JAK1: variants seen among roughly 807,000 people sequenced by gnomAD.
JAK1 encodes Janus kinase 1.
A neutral mutation model predicts 136.6 loss-of-function variants in JAK1; 16 were observed. The observed-to-expected ratio is 0.12, with a 90% CI of 0.08 to 0.18. JAK1 has a LOEUF of 0.18. JAK1 is among the 10% of genes least tolerant of loss of function. The pLI, the probability that JAK1 is intolerant of heterozygous loss-of-function variation, is 1.00. For missense variants in JAK1, 859 were observed against 1,450.1 expected (o/e 0.59, Z 6.62); for synonymous variants, 492 against 519.5 (o/e 0.95, Z 0.72).
At chr1:65,022,382 C>A (rs1646944910) in intron 2 of JAK1, among the ~76,000 whole-genome samples, 1 of 152,032 alleles carries the variant, frequency 6.6e-6, no homozygotes, top group South Asian at 2.1e-4. Context: ...ACCCATAAAT[C>A]ACCAACAAAA....
At chr1:65,002,915 G>A (rs1446150367) in intron 2 of JAK1, among the ~76,000 whole-genome samples, 1 of 152,236 alleles carries the variant, frequency 6.6e-6, no homozygotes, top group Non-Finnish European at 1.5e-5. Flanking sequence ...TCCAGGTCCC[G>A]GCGGGGAAGC....
At chr1:64,933,098 G>A (rs958383038) in intron 1 of JAK1, among the ~76,000 whole-genome samples, 14 of 151,986 alleles carry the variant, frequency 9.2e-5, no homozygotes, top group Non-Finnish European at 2.9e-5. Context: ...ATACGTGCCA[G>A]GCATCATGCC....
intron 2 of JAK1, among the ~76,000 whole-genome samples, chr1:64,996,177 C>T (rs1001607574): frequency 6.6e-6 from 1 of 152,156 alleles, no homozygotes; most frequent in Non-Finnish European, 1.5e-5. Context: ...CTTATTCTTA[C>T]CCCACATGCA....
intron 2 of JAK1, among the ~76,000 whole-genome samples, chr1:65,039,932 C>T (rs1050970273): frequency 1.3e-5 from 2 of 151,882 alleles, no homozygotes; most frequent in African/African-American, 2.4e-5. Context: ...GTCTGAAATG[C>T]GAAGAGGCAC....
At chr1:65,002,689 GC>G (rs1646769977) in intron 2 of JAK1, among the ~76,000 whole-genome samples, 1 of 152,236 alleles carries the variant, frequency 6.6e-6, no homozygotes, top group African/African-American at 2.4e-5. Flanking sequence ...TGCGAGCCTG[GC>G]CGGCGGCGGC....
chr1:64,988,068 A>G (rs41285416), intron 2 of JAK1, among the ~76,000 whole-genome samples: 1 of 152,146 alleles, frequency 6.6e-6, no homozygotes, highest in African/African-American at 2.4e-5. Context: ...CTGGCTCATG[A>G]GAGTCAATTA....
intron 1 of JAK1, among the ~76,000 whole-genome samples, chr1:65,054,717 A>AC (rs1647450829): frequency 1.3e-5 from 2 of 152,292 alleles, no homozygotes; most frequent in East Asian, 3.9e-4. Context: ...AAGAGATGCC[A>AC]CATCAGGTGA....
intron 2 of JAK1, among the ~76,000 whole-genome samples, chr1:65,020,737 C>T (rs757034035): frequency 1.6e-4 from 25 of 152,072 alleles, no homozygotes; most frequent in Non-Finnish European, 3.2e-4. Flanking sequence ...TAGGGCTCCA[C>T]TAGAAAAGAA....
chr1:65,053,148 C>T lies in JAK1; in HGVS notation c.-180-8566G>A, dbSNP rs146157149. Among the ~76,000 whole-genome samples the T allele has an allele frequency of 2.4e-3, 364 of 150,870 alleles. 14 individuals are homozygous for T. The East Asian group carries it at 0.063, about 26-fold the overall frequency. On this transcript the variant is annotated intron_variant, in intron 1 of 25. Transcript: ENST00000671954. ...ATCACCTGAGGTCAGGAGTTTGAGACCAGTCTGGTCAACATGGCGAAACCC... is the reference window on the plus strand; with the variant it reads ...ATCACCTGAGGTCAGGAGTTTGAGATCAGTCTGGTCAACATGGCGAAACCC...
intron 1 of JAK1, among the ~76,000 whole-genome samples, chr1:64,921,141 A>T (rs772126725): frequency 6.6e-5 from 10 of 152,208 alleles, no homozygotes; most frequent in Non-Finnish European, 1.2e-4. Context: ...ACATCTGAAT[A>T]TGATGAGATG....
At chr1:64,916,558 C>T (rs983574983) in intron 1 of JAK1, among the ~76,000 whole-genome samples, 8 of 152,088 alleles carry the variant, frequency 5.3e-5, no homozygotes, top group Non-Finnish European at 1.2e-4. Context: ...TAGGAAAAGG[C>T]CAGGCGCAGT....
chr1:64,861,030 A>C (rs1656301078), intron 8 of JAK1, among the ~76,000 whole-genome samples: 1 of 151,424 alleles, frequency 6.6e-6, no homozygotes. Flanking sequence ...AGACATGCAG[A>C]GAAGCTGTCC....
rs1553185805 is a variant in JAK1 at position 65,058,573 on chromosome 1, C to T, written c.-181+9031G>A. The T allele has an allele frequency of 1.1e-4, 56 of 515,768 alleles. 1 individual carries two copies. Among genetic ancestry groups the T allele is most frequent in the South Asian group, 7.5e-4 (52 of 69,224 alleles). 31.9% of individuals were successfully genotyped at this position (515,768 alleles called of 1,614,324 possible). ...GTGGCTGCATTACTCTCTCTGAAGG[C>T]TCCCCATGAAGTGAAGGACTAAAAG... On this transcript the variant is annotated intron_variant, in intron 1 of 25. Transcript: ENST00000671954.
intron 2 of JAK1, among the ~76,000 whole-genome samples, chr1:65,025,578 C>A (rs1646971002): frequency 6.6e-6 from 1 of 152,152 alleles, no homozygotes; most frequent in Non-Finnish European, 1.5e-5. Flanking sequence ...CTAAATTTAG[C>A]ATCTGAAGAC....
chr1:64,890,905 C>T (rs1006161801), intron 1 of JAK1, among the ~76,000 whole-genome samples: 2 of 152,094 alleles, frequency 1.3e-5, no homozygotes, highest in African/African-American at 2.4e-5. Context: ...TGAATTCTGG[C>T]GTCTCCACCG....
At chr1:64,879,217 A>T (rs1359989146) in intron 3 of JAK1, 69 bp from the exon 4 acceptor site, 2 of 1,563,686 alleles carry the variant, frequency 1.3e-6, no homozygotes, top group Admixed American at 3.4e-5. Flanking sequence ...TTCTAAACCC[A>T]ATATATGCAA....
chr1:65,066,411 G>T (rs1160345139), intron 1 of JAK1, among the ~76,000 whole-genome samples: 1 of 152,198 alleles, frequency 6.6e-6, no homozygotes, highest in Non-Finnish European at 1.5e-5. Flanking sequence ...CTAGCTGATG[G>T]AAATAAACAG....
At chr1:64,863,084 A>G (rs11208532) in intron 8 of JAK1, among the ~76,000 whole-genome samples, 7,717 of 120,506 alleles carry the variant, frequency 0.064, 281 homozygotes, top group Admixed American at 0.17. Context: ...CATATAACAC[A>G]GGGCCTAATA....
At chr1:65,017,844 C>T (rs548141434) in intron 2 of JAK1, among the ~76,000 whole-genome samples, 8 of 149,710 alleles carry the variant, frequency 5.3e-5, no homozygotes, top group African/African-American at 1.5e-4. Flanking sequence ...GACAGATTCT[C>T]ACTCTTGTCG....
Sources: gnomAD v4.1 joint callset for allele counts (sites outside exome capture counted in the v4.1 genomes callset) on GRCh38, gnomAD v4.1.1 for gene constraint, MANE v1.5 for transcripts, NCBI Gene and HGNC (gene_info 2026-07-23, HGNC 2026-07-21) for gene names.